The following RGS6 variants were observed in gnomAD, a reference collection of about 807,000 sequenced individuals.
RGS6 encodes the protein regulator of G protein signaling 6.
A neutral mutation model predicts 78.5 loss-of-function variants in RGS6; 30 were observed. The ratio of observed to expected loss-of-function variants is 0.38; its 90% CI spans 0.29 to 0.52. The LOEUF (loss-of-function observed/expected upper bound fraction) is 0.52, where lower values mean the gene tolerates loss of function less well. RGS6 is among the 20% of genes least tolerant of loss of function. RGS6 has a pLI of 0.85. For missense variants in RGS6, 495 were observed against 609.7 expected (o/e 0.81, Z 1.98); for synonymous variants, 206 against 206.0 (o/e 1.00, Z 0.00).
At position 72,059,625 on chromosome 14, in the gene RGS6, A is replaced by C. The variant is rs183962335; in HGVS notation, c.84+94750A>C. Among the ~76,000 whole-genome samples the C allele has an allele frequency of 4.0e-3, 609 of 152,260 alleles. 2 individuals are homozygous for C. The highest frequency in any genetic ancestry group is 0.014 in the African/African-American group (595 of 41,550). Reference sequence around the variant, plus strand: ...TCTTGTTATGGATGGAATGCCTGTGAGCCCTAGGTTCCTATGTTGAAGCCC... The same window carrying C: ...TCTTGTTATGGATGGAATGCCTGTGCGCCCTAGGTTCCTATGTTGAAGCCC... On this transcript the variant is annotated intron_variant, in intron 2 of 17. Coordinates refer to ENST00000553525, the MANE Select transcript of RGS6 (RefSeq NM_001204424.2).
chr14:72,334,013 T>C (rs2075555693), intron 2 of RGS6, among the ~76,000 whole-genome samples: 2 of 152,228 alleles, frequency 1.3e-5, no homozygotes, highest in South Asian at 4.1e-4. Context: ...TTACCACAAA[T>C]GCGGATTGTG....
At chr14:72,568,380 C>T (rs1170754112), downstream of RGS6, among the ~76,000 whole-genome samples, 11 of 152,306 alleles carry the variant, frequency 7.2e-5, no homozygotes, top group East Asian at 1.9e-4. Context: ...CATTGAAAGG[C>T]GGTGAAGGGA....
intron 2 of RGS6, among the ~76,000 whole-genome samples, chr14:71,984,629 C>T (rs541612291): frequency 3.9e-5 from 6 of 151,948 alleles, no homozygotes; most frequent in African/African-American, 4.8e-5. Flanking sequence ...ATGGGAGCTA[C>T]GTGAACCAAG....
chr14:72,624,666 C>T, the RGS6 span, among the ~76,000 whole-genome samples: 1 of 152,196 alleles, frequency 6.6e-6, no homozygotes, highest in Non-Finnish European at 1.5e-5. Flanking sequence ...TACCAGGGAT[C>T]CAATCCAAGA....
rs185732444 is a variant in RGS6 at position 72,171,859 on chromosome 14, T to G, written c.85-180236T>G. On this transcript the variant is annotated intron_variant, in intron 2 of 17. Coordinates refer to ENST00000553525, the MANE Select transcript of RGS6 (RefSeq NM_001204424.2). Reference sequence around the variant, plus strand: ...CCCTATGAGATAGGTAGTGTTATTATACCACTTTGCTGAGGAGGCAACTGA... The same window carrying G: ...CCCTATGAGATAGGTAGTGTTATTAGACCACTTTGCTGAGGAGGCAACTGA... 5.0e-3 allele frequency among the ~76,000 whole-genome samples: 767 copies of G among 152,350 alleles called. 4 individuals are homozygous for G. The highest frequency in any genetic ancestry group is 0.017 in the African/African-American group (705 of 41,584).
intron 1 of RGS6, among the ~76,000 whole-genome samples, chr14:71,951,979 C>G (rs1198877740): frequency 1.3e-5 from 2 of 152,014 alleles, no homozygotes; most frequent in African/African-American, 2.4e-5. Context: ...TCACTGAATC[C>G]TAATAGTTCT....
At chr14:72,169,300 G>A (rs1266647923) in intron 2 of RGS6, among the ~76,000 whole-genome samples, 1 of 152,186 alleles carries the variant, frequency 6.6e-6, no homozygotes. Flanking sequence ...TGTGTTAGGG[G>A]TTAATGTAAG....
chr14:72,417,677 C>A (rs1239235207), intron 3 of RGS6, among the ~76,000 whole-genome samples: 1 of 152,244 alleles, frequency 6.6e-6, no homozygotes, highest in Non-Finnish European at 1.5e-5. Flanking sequence ...GCCTGCACTT[C>A]TGTTTCCTCA....
intron 2 of RGS6, among the ~76,000 whole-genome samples, chr14:72,082,268 A>G (rs2094857120): frequency 6.6e-6 from 1 of 152,128 alleles, no homozygotes; most frequent in African/African-American, 2.4e-5. Flanking sequence ...ATATTCTTCT[A>G]ATTTGTGAAT....
chr14:72,107,140 G>C (rs1003174481), intron 2 of RGS6, among the ~76,000 whole-genome samples: 1 of 151,870 alleles, frequency 6.6e-6, no homozygotes, highest in Non-Finnish European at 1.5e-5. Context: ...TTTCACACTT[G>C]AAAAGCCGGT....
intron 3 of RGS6, among the ~76,000 whole-genome samples, chr14:72,444,021 C>G (rs551372024): frequency 6.6e-6 from 1 of 152,284 alleles, no homozygotes; most frequent in African/African-American, 2.4e-5. Flanking sequence ...CACACTCTCC[C>G]CTTGCCCTGG....
At chr14:72,298,693 C>T (rs1262042925) in intron 2 of RGS6, among the ~76,000 whole-genome samples, 1 of 152,006 alleles carries the variant, frequency 6.6e-6, no homozygotes, top group African/African-American at 2.4e-5. Flanking sequence ...CGTGGTCCAC[C>T]CGCCTCGGCC....
chr14:71,927,630 G>T (rs1187917460), upstream of RGS6, among the ~76,000 whole-genome samples: 1 of 151,900 alleles, frequency 6.6e-6, no homozygotes, highest in African/African-American at 2.4e-5. Flanking sequence ...GACTTATCAG[G>T]TCTGAGATGA....
At chr14:72,395,629 C>T (rs2091048771) in intron 3 of RGS6, among the ~76,000 whole-genome samples, 2 of 152,142 alleles carry the variant, frequency 1.3e-5, no homozygotes, top group South Asian at 4.2e-4. Flanking sequence ...GTGTGCTGCA[C>T]CCATTAACTC....
intron 2 of RGS6, among the ~76,000 whole-genome samples, chr14:72,230,218 G>A (rs1428565546): frequency 6.6e-6 from 1 of 152,224 alleles, no homozygotes; most frequent in East Asian, 1.9e-4. Context: ...CTCCTGTGGT[G>A]AGGAGAGAGG....
chr14:71,895,452 G>T, the RGS6 span, among the ~76,000 whole-genome samples: 1 of 152,170 alleles, frequency 6.6e-6, no homozygotes, highest in Non-Finnish European at 1.5e-5. Flanking sequence ...CTCCCAAAGT[G>T]CTGGGATTAC....
At chr14:72,052,987 C>CTTTCTTTCTT (rs1567106192) in intron 2 of RGS6, among the ~76,000 whole-genome samples, 1,033 of 53,936 alleles carry the variant, frequency 0.019, 10 homozygotes, top group South Asian at 0.026. Context: ...CTTTCTTTCT[C>CTTTCTTTCTT]TCTCTCTCTC....
At chr14:71,939,486 A>G (rs2090142950) in intron 1 of RGS6, among the ~76,000 whole-genome samples, 1 of 152,318 alleles carries the variant, frequency 6.6e-6, no homozygotes, top group East Asian at 1.9e-4. Context: ...TTATGACACA[A>G]AGCCAGAGAG....
At chr14:72,356,636 T>C (rs1413523783) in intron 3 of RGS6, among the ~76,000 whole-genome samples, 1 of 151,900 alleles carries the variant, frequency 6.6e-6, no homozygotes, top group Non-Finnish European at 1.5e-5. Context: ...CCACATATCA[T>C]GGAAGGGACC....
Sources: allele counts gnomAD v4.1 joint callset (sites outside exome capture counted in the v4.1 genomes callset), GRCh38; gene constraint gnomAD v4.1.1; transcripts MANE v1.5; gene names NCBI Gene and HGNC (gene_info 2026-07-23, HGNC 2026-07-21).